Variants in DYRK1A observed in about 807,000 individuals in gnomAD.
DYRK1A encodes the protein dual specificity tyrosine-phosphorylation-regulated kinase 1A.
Under a neutral mutation model 79.7 loss-of-function variants are expected in DYRK1A, and 9 were observed. The observed-to-expected ratio is 0.11, with a 90% CI of 0.07 to 0.20. DYRK1A has a LOEUF of 0.20. Among genes scored for constraint, DYRK1A ranks in the 10% least tolerant of loss-of-function variants. DYRK1A has a pLI of 1.00. For synonymous variants in DYRK1A, 349 were observed against 329.7 expected (o/e 1.06, Z -0.63); for missense variants, 622 against 956.0 (o/e 0.65, Z 4.61).
At chr21:37,469,768 T>C (rs770086015) in intron 2 of DYRK1A, among the ~76,000 whole-genome samples, 1 of 152,202 alleles carries the variant, frequency 6.6e-6, no homozygotes, top group Non-Finnish European at 1.5e-5. Flanking sequence ...ACCACCCTCC[T>C]AATCCAATAA....
intron 1 of DYRK1A, among the ~76,000 whole-genome samples, chr21:37,387,408 C>G (rs1602382033): frequency 6.6e-6 from 1 of 152,108 alleles, no homozygotes; most frequent in African/African-American, 2.4e-5. Flanking sequence ...TCTTGTTTTT[C>G]TAAGAGTTAG....
At chr21:37,463,451 C>T (rs2051919880) in intron 2 of DYRK1A, among the ~76,000 whole-genome samples, 1 of 152,132 alleles carries the variant, frequency 6.6e-6, no homozygotes, top group Non-Finnish European at 1.5e-5. Context: ...GAGCAGTTGA[C>T]TGAGCAATAG....
At chr21:37,446,422 C>A (rs1284794560) in intron 2 of DYRK1A, among the ~76,000 whole-genome samples, 8 of 151,884 alleles carry the variant, frequency 5.3e-5, no homozygotes. Flanking sequence ...ATGAAAATGG[C>A]CTACTAAGGT....
rs2053888481 is a variant in DYRK1A at position 37,517,073 on chromosome 21, C to G, written c.*4542C>G. 6.6e-6 allele frequency: 1 copy of G among 152,230 alleles called. No individual in the cohort carries two copies. Among genetic ancestry groups the G allele is most frequent in the Admixed American group, 6.5e-5 (1 of 15,282 alleles). The allele number at this position is 152,230 out of a possible 1,614,324, so 9.4% of individuals were successfully genotyped here. A position where few individuals can be genotyped will look rare whatever the true frequency, so the allele number is the denominator to read the frequency against. On this transcript the variant is annotated 3_prime_UTR_variant, in exon 12 of 12. Transcript: ENST00000647188. The stretch of plus-strand genomic sequence containing the variant: ...CCAGCAAAACCTGTGAATCCTTCTT[C>G]AAAGCATAGAGGAGGCAGAGACAAG...
intron 1 of DYRK1A, among the ~76,000 whole-genome samples, chr21:37,376,851 TAGC>T (rs1286351341): frequency 6.6e-6 from 1 of 152,190 alleles, no homozygotes; most frequent in African/African-American, 2.4e-5. Flanking sequence ...TGTGGAATGA[TAGC>T]AGATCATTTC....
chr21:37,416,291 T>C (rs1009775961), intron 1 of DYRK1A, among the ~76,000 whole-genome samples: 2 of 151,464 alleles, frequency 1.3e-5, no homozygotes, highest in Non-Finnish European at 2.9e-5. Flanking sequence ...CAATATTATA[T>C]TCTTTATAAA....
At chr21:37,402,462 G>A (rs1480098581) in intron 1 of DYRK1A, among the ~76,000 whole-genome samples, 1 of 152,216 alleles carries the variant, frequency 6.6e-6, no homozygotes, top group Non-Finnish European at 1.5e-5. Flanking sequence ...TTTGTGATGA[G>A]ATGTAAGTGG....
At chr21:37,386,300 AC>A (rs1425940530) in intron 1 of DYRK1A, among the ~76,000 whole-genome samples, 1 of 151,910 alleles carries the variant, frequency 6.6e-6, no homozygotes, top group African/African-American at 2.4e-5. Context: ...CCATCTCTCC[AC>A]CCCCAACCCC....
intron 1 of DYRK1A, among the ~76,000 whole-genome samples, chr21:37,382,379 A>G (rs1277044612): frequency 6.6e-6 from 1 of 152,120 alleles, no homozygotes; most frequent in Non-Finnish European, 1.5e-5. Flanking sequence ...TCAGTTAGTC[A>G]GAACTCCCTG....
chr21:37,411,678 A>T (rs1051909523), intron 1 of DYRK1A, among the ~76,000 whole-genome samples: 8 of 152,196 alleles, frequency 5.3e-5, no homozygotes, highest in Non-Finnish European at 7.3e-5. Flanking sequence ...GGTTGAGAAA[A>T]TTCCAGGGTA....
rs375447808 is a variant in DYRK1A, at chr21:37,403,013, C to A, written c.-76-17286C>A. Among the ~76,000 whole-genome samples, 35 of 152,212 alleles carry A rather than the reference C, an allele frequency of 2.3e-4. 2 individuals are homozygous for A. In the South Asian group the frequency reaches 7.0e-3, roughly 31 times the overall value. On this transcript the variant is annotated intron_variant, in intron 1 of 11. Coordinates refer to ENST00000647188, the MANE Select transcript of DYRK1A (RefSeq NM_001347721.2). ...TCTTGACCTCAGGTGATCTGCCCCC[C>A]CTCAGCCTCCCAAAGTGCTGGGATT...
chr21:37,408,560 A>G (rs2050189467), intron 1 of DYRK1A, among the ~76,000 whole-genome samples: 1 of 152,226 alleles, frequency 6.6e-6, no homozygotes, highest in Non-Finnish European at 1.5e-5. Context: ...TAGAGTTTAT[A>G]ATTATATAAA....
At chr21:37,440,763 G>A (rs1332076107) in intron 2 of DYRK1A, among the ~76,000 whole-genome samples, 3 of 152,100 alleles carry the variant, frequency 2.0e-5, no homozygotes, top group Non-Finnish European at 4.4e-5. Context: ...ACCAGAGAAC[G>A]TATTTTGAAT....
intron 2 of DYRK1A, among the ~76,000 whole-genome samples, chr21:37,455,304 C>T (rs1320306067): frequency 6.6e-6 from 1 of 151,858 alleles, no homozygotes; most frequent in Admixed American, 6.6e-5. Context: ...TCAGCCACAC[C>T]CTTTTCTTTC....
chr21:37,373,340 A>C (rs567673764), intron 1 of DYRK1A, among the ~76,000 whole-genome samples: 1 of 152,222 alleles, frequency 6.6e-6, no homozygotes, highest in Admixed American at 6.5e-5. Context: ...AGGAAGCTCT[A>C]TTGTGACTTA....
chr21:37,464,264 G>T (rs1320707065), intron 2 of DYRK1A: 1 of 479,664 alleles, frequency 2.1e-6, no homozygotes, highest in Non-Finnish European at 4.1e-6. Flanking sequence ...ATATTTCTCT[G>T]TAGAATCAGT....
At position 37,374,729 on chromosome 21, in the gene DYRK1A, A is replaced by G. The variant is rs535860091; in HGVS notation, c.-77+7101A>G. Among the ~76,000 whole-genome samples the G allele has an allele frequency of 4.6e-5, 7 of 151,818 alleles. No individual in the cohort carries two copies. The East Asian group carries it at 1.2e-3, about 25-fold the overall frequency. ...CACCACGCCTGGCTAATTTTTTTGT[A>G]TTTTTAGTAGAGACGGGGTTTCACT... On this transcript the variant is annotated intron_variant, in intron 1 of 11. Transcript: ENST00000647188.
intron 11 of DYRK1A, among the ~76,000 whole-genome samples, chr21:37,509,298 G>A (rs1274621546): frequency 1.3e-5 from 2 of 152,038 alleles, no homozygotes; most frequent in Non-Finnish European, 2.9e-5. Flanking sequence ...AGAACATCTT[G>A]GTTTTTCTAG....
At chr21:37,505,062 A>G (rs1165652821) in intron 9 of DYRK1A, 3 of 520,950 alleles carry the variant, frequency 5.8e-6, no homozygotes, top group East Asian at 6.4e-5. Context: ...CCCCTGGGCT[A>G]AATGATCTTT....
Sources: gnomAD v4.1 joint callset for allele counts (sites outside exome capture counted in the v4.1 genomes callset) on GRCh38, gnomAD v4.1.1 for gene constraint, MANE v1.5 for transcripts, NCBI Gene and HGNC (gene_info 2026-07-23, HGNC 2026-07-21) for gene names.